The following PHYHIPL variants were observed in gnomAD, a reference collection of about 807,000 sequenced individuals.
PHYHIPL encodes the protein phytanoyl-CoA hydroxylase-interacting protein-like.
In PHYHIPL, 9 loss-of-function variants were observed where a neutral mutation model predicts 33.4. The ratio of observed to expected loss-of-function variants is 0.27; its 90% confidence interval spans 0.16 to 0.47. PHYHIPL has a LOEUF of 0.47. Ranked by LOEUF, PHYHIPL falls within the 20% of genes least tolerant of loss-of-function variation. The pLI is 0.99. For missense variants in PHYHIPL, 365 were observed against 460.7 expected (o/e 0.79, Z 1.90); for synonymous variants, 153 against 154.1 (o/e 0.99, Z 0.05).
intron 1 of PHYHIPL, among the ~76,000 whole-genome samples, chr10:59,189,991 G>T (rs1039462836): frequency 6.6e-6 from 1 of 151,912 alleles, no homozygotes; most frequent in Admixed American, 6.6e-5. Context: ...TAGGATTTTG[G>T]ATTTATTATC....
At chr10:59,180,185 A>G (rs917377699) in intron 1 of PHYHIPL, among the ~76,000 whole-genome samples, 1 of 149,980 alleles carries the variant, frequency 6.7e-6, no homozygotes, top group Non-Finnish European at 1.5e-5. Flanking sequence ...GACCTGTGAC[A>G]AGACAAAACA....
intron 1 of PHYHIPL, among the ~76,000 whole-genome samples, chr10:59,228,351 T>C (rs1221480814): frequency 6.6e-6 from 1 of 152,154 alleles, no homozygotes; most frequent in East Asian, 1.9e-4. Context: ...TTCCTAAAAG[T>C]TCCAACAATG....
chr10:59,194,329 A>G (rs1838855389), intron 1 of PHYHIPL, among the ~76,000 whole-genome samples: 1 of 152,104 alleles, frequency 6.6e-6, no homozygotes, highest in Non-Finnish European at 1.5e-5. Flanking sequence ...TGCTACCCTC[A>G]TAATAGTTTC....
intron 1 of PHYHIPL, among the ~76,000 whole-genome samples, chr10:59,220,693 A>G (rs1839744806): frequency 6.6e-6 from 1 of 152,026 alleles, no homozygotes; most frequent in Admixed American, 6.6e-5. Context: ...GCCCCCAAAC[A>G]ATACAAATAG....
chr10:59,236,192 T>C (rs916557852), intron 2 of PHYHIPL, among the ~76,000 whole-genome samples: 2 of 151,956 alleles, frequency 1.3e-5, no homozygotes, highest in Admixed American at 1.3e-4. Flanking sequence ...TTTTTGCATA[T>C]AGCAAATAAG....
At chr10:59,191,710 GA>G (rs1460069707) in intron 1 of PHYHIPL, among the ~76,000 whole-genome samples, 1 of 151,898 alleles carries the variant, frequency 6.6e-6, no homozygotes, top group Non-Finnish European at 1.5e-5. Flanking sequence ...AATATATGCT[GA>G]AAACTCAACA....
chr10:59,177,590 T>C, intron 1 of PHYHIPL: 2 of 1,551,672 alleles, frequency 1.3e-6, no homozygotes, highest in Non-Finnish European at 1.7e-6. Flanking sequence ...TGGCCTAATA[T>C]ATGTGCTGTG....
At chr10:59,176,419 G>A (rs915917074), upstream of PHYHIPL, among the ~76,000 whole-genome samples, 9 of 152,002 alleles carry the variant, frequency 5.9e-5, no homozygotes, top group African/African-American at 1.9e-4. Context: ...TCGGTCGCCC[G>A]ACGCCTCACG....
intron 1 of PHYHIPL, among the ~76,000 whole-genome samples, chr10:59,201,627 T>A (rs1253775018): frequency 6.6e-6 from 1 of 152,134 alleles, no homozygotes; most frequent in African/African-American, 2.4e-5. Flanking sequence ...TTTCTCATTT[T>A]GTTAGAGGCT....
At chr10:59,174,384 G>A (rs534091108), upstream of PHYHIPL, among the ~76,000 whole-genome samples, 7 of 152,204 alleles carry the variant, frequency 4.6e-5, no homozygotes, top group South Asian at 1.5e-3. Context: ...TACTATGGGA[G>A]AAACCCTATC....
At chr10:59,190,668 C>T (rs748076992) in intron 1 of PHYHIPL, among the ~76,000 whole-genome samples, 2 of 151,772 alleles carry the variant, frequency 1.3e-5, no homozygotes, top group African/African-American at 4.8e-5. Context: ...TGAATTTCTT[C>T]AGCTTATTAA....
At chr10:59,190,346 G>A (rs992853071) in intron 1 of PHYHIPL, among the ~76,000 whole-genome samples, 2 of 151,874 alleles carry the variant, frequency 1.3e-5, no homozygotes. Context: ...AGACCAAAAA[G>A]AGAAATATTC....
At position 59,184,247 on chromosome 10, in the gene PHYHIPL, A is replaced by G. The variant is rs567201780; in HGVS notation, c.106+7288A>G. ...AATACAGCCATACTCATTTGTTTACATACTGTCTATGGCTACTTTCTTGCT... is the reference window on the plus strand; with the variant it reads ...AATACAGCCATACTCATTTGTTTACGTACTGTCTATGGCTACTTTCTTGCT... On this transcript the variant is annotated intron_variant, in intron 1 of 4. Transcript: ENST00000373880. Among the ~76,000 whole-genome samples the G allele has an allele frequency of 2.0e-5, 3 of 152,330 alleles. No homozygotes were observed. The South Asian group carries it at 6.2e-4, about 32-fold the overall frequency.
At chr10:59,192,225 T>TAATTAAATTAC (rs1838801731) in intron 1 of PHYHIPL, among the ~76,000 whole-genome samples, 3 of 152,154 alleles carry the variant, frequency 2.0e-5, no homozygotes, top group Non-Finnish European at 4.4e-5. Context: ...AGTTTAAAAA[T>TAATTAAATTAC]AGTTTTAAAA....
intron 1 of PHYHIPL, among the ~76,000 whole-genome samples, chr10:59,210,758 G>A (rs746117837): frequency 1.2e-4 from 19 of 152,166 alleles, no homozygotes; most frequent in African/African-American, 4.1e-4. Context: ...AAAAGGAACA[G>A]TTCACGTCCT....
rs1840597052 is a variant in PHYHIPL, at chr10:59,244,920, T to TTG, written c.597-135_597-134dup. On this transcript the variant is annotated intron_variant, in intron 4 of 4. Transcript: ENST00000373880. Reference sequence around the variant, plus strand: ...TCTATAGGTAATATGTCAAAAGATGTTGTCCCCTTATTCTGATAGTAAGAG... The same window carrying TTG: ...TCTATAGGTAATATGTCAAAAGATGTTGTGTCCCCTTATTCTGATAGTAAGAG... The TTG allele has an allele frequency of 3.6e-6, 3 of 840,100 alleles. No homozygotes were observed. In the East Asian group the frequency reaches 8.2e-5, roughly 23 times the overall value. 52.0% of individuals were successfully genotyped at this position (840,100 alleles called of 1,614,324 possible). A position where few individuals can be genotyped will look rare whatever the true frequency, so the allele number is the denominator to read the frequency against.
At chr10:59,175,592 A>G (rs1838235168), upstream of PHYHIPL, among the ~76,000 whole-genome samples, 2 of 152,232 alleles carry the variant, frequency 1.3e-5, no homozygotes, top group South Asian at 4.1e-4. Context: ...ACTTTTCCAA[A>G]GAAGCAAACG....
chr10:59,235,458 A>C (rs1046679954), intron 2 of PHYHIPL, among the ~76,000 whole-genome samples: 44 of 151,964 alleles, frequency 2.9e-4, no homozygotes, highest in African/African-American at 1.0e-3. Flanking sequence ...AACTTGGTAG[A>C]TACTTTGGAA....
At chr10:59,235,282 T>C (rs1449626509) in intron 2 of PHYHIPL, among the ~76,000 whole-genome samples, 2 of 151,896 alleles carry the variant, frequency 1.3e-5, no homozygotes, top group Non-Finnish European at 2.9e-5. Flanking sequence ...ATAACACTTC[T>C]CTGATATTTA....
Sources: allele counts gnomAD v4.1 joint callset (sites outside exome capture counted in the v4.1 genomes callset), GRCh38; gene constraint gnomAD v4.1.1; transcripts MANE v1.5; gene names NCBI Gene and HGNC (gene_info 2026-07-23, HGNC 2026-07-21).